The following C9orf85 variants were observed in gnomAD, a reference collection of about 807,000 sequenced individuals.
C9orf85 encodes chromosome 9 open reading frame 85.
Under a neutral mutation model 14.9 loss-of-function variants are expected in C9orf85, and 16 were observed. The ratio of observed to expected loss-of-function variants is 1.08; its 90% CI spans 0.73 to 1.63. The LOEUF is 1.63. Ranked by LOEUF, C9orf85 falls within the 40% of genes most tolerant of loss-of-function variation. C9orf85 has a pLI of 0.00. For missense variants in C9orf85, 172 were observed against 186.1 expected (o/e 0.92, Z 0.44); for synonymous variants, 45 against 56.8 (o/e 0.79, Z 0.93).
At chr9:71,965,321 C>T (rs969769743) in intron 2 of C9orf85, among the ~76,000 whole-genome samples, 1 of 152,120 alleles carries the variant, frequency 6.6e-6, no homozygotes, top group Admixed American at 6.6e-5. Context: ...CCTGATTCGT[C>T]GGGTGTGAGT....
At chr9:71,969,785 A>C (rs1822808054) in intron 2 of C9orf85, among the ~76,000 whole-genome samples, 2 of 152,066 alleles carry the variant, frequency 1.3e-5, no homozygotes, top group Non-Finnish European at 2.9e-5. Context: ...TTCAATCAAA[A>C]TATTTTCTTT....
chr9:71,914,444 A>C (rs576525649), intron 1 of C9orf85, among the ~76,000 whole-genome samples: 1 of 152,242 alleles, frequency 6.6e-6, no homozygotes, highest in East Asian at 1.9e-4. Flanking sequence ...CCCCTGCCTT[A>C]GAGGACTGTA....
At chr9:71,927,621 TTTGTA>T (rs1478335450) in intron 1 of C9orf85, among the ~76,000 whole-genome samples, 1 of 152,172 alleles carries the variant, frequency 6.6e-6, no homozygotes, top group African/African-American at 2.4e-5. Context: ...CATTCTGGCC[TTTGTA>T]GTGTTAATAG....
chr9:71,947,171 C>T lies in C9orf85; in HGVS notation c.209+59C>T, dbSNP rs1400468468. On this transcript the variant is annotated intron_variant, in intron 2 of 3. Coordinates refer to ENST00000334731, the MANE Select transcript of C9orf85 (RefSeq NM_182505.5). The stretch of plus-strand genomic sequence containing the variant: ...GTATATGTATCATAGTTTATTATTT[C>T]ATTTCCTGATTTTCAAAATTGTGTC... The T allele has an allele frequency of 2.8e-5, 33 of 1,158,768 alleles. 1 individual carries two copies. Among genetic ancestry groups the T allele is most frequent in the South Asian group, 8.8e-5 (6 of 67,996 alleles). 71.8% of individuals were successfully genotyped at this position (1,158,768 alleles called of 1,614,324 possible). A position where few individuals can be genotyped will look rare whatever the true frequency, so the allele number is the denominator to read the frequency against.
intron 1 of C9orf85, among the ~76,000 whole-genome samples, chr9:71,919,456 G>C (rs913432623): frequency 8.5e-5 from 13 of 152,344 alleles, no homozygotes; most frequent in Admixed American, 6.5e-4. Context: ...GATGATTCTA[G>C]TGTTATAGAG....
At chr9:71,980,793 G>A (rs1002879538) in intron 3 of C9orf85, among the ~76,000 whole-genome samples, 13 of 152,130 alleles carry the variant, frequency 8.5e-5, no homozygotes, top group Non-Finnish European at 1.8e-4. Flanking sequence ...TATGTTTCTC[G>A]TCTCTGCAAC....
At chr9:71,935,909 C>CAT (rs55999483) in intron 1 of C9orf85, among the ~76,000 whole-genome samples, 145,589 of 151,814 alleles carry the variant, frequency 0.96, 70,127 homozygotes, top group East Asian at 1. Flanking sequence ...AGGGGAGAAA[C>CAT]AGAAAAAAAA....
At chr9:71,982,632 CTTTT>C (rs56038535) in intron 3 of C9orf85, 619 of 246,162 alleles carry the variant, frequency 2.5e-3, no homozygotes, top group Middle Eastern at 4.2e-3. Context: ...TTGTATATTT[CTTTT>C]TTTTTTTTTT....
Position 71,972,735 on chromosome 9 carries a change from C to CCAACCA in C9orf85, c.367_368insCAACCA (p.Leu123delinsProThrIle), listed in dbSNP as rs775282876. On this transcript the variant is annotated protein_altering_variant, in exon 4 of 4. Transcript: ENST00000334731. ...AAAAATAGAACATACTGAAAATAAT[C>CCAACCA]TAAGTTCCAACCATAGAAGAAGCTG... 6.2e-7 allele frequency: 1 copy of CCAACCA among 1,603,110 alleles called. No homozygotes were observed. The highest frequency in any genetic ancestry group is 8.5e-7 in the Non-Finnish European group (1 of 1,172,004).
intron 1 of C9orf85, among the ~76,000 whole-genome samples, chr9:71,924,311 C>CT (rs1382641052): frequency 6.6e-6 from 1 of 152,132 alleles, no homozygotes; most frequent in African/African-American, 2.4e-5. Flanking sequence ...CAAACATTTT[C>CT]TTTGATATTT....
chr9:71,943,932 A>C (rs968434941), intron 1 of C9orf85, among the ~76,000 whole-genome samples: 29 of 151,038 alleles, frequency 1.9e-4, no homozygotes, highest in African/African-American at 7.0e-4. Flanking sequence ...AACAACACTG[A>C]CTCTAAAATA....
chr9:71,970,099 C>T (rs576100833), intron 2 of C9orf85, among the ~76,000 whole-genome samples: 3 of 152,148 alleles, frequency 2.0e-5, no homozygotes, highest in Admixed American at 6.5e-5. Flanking sequence ...TGTGCTCCCC[C>T]ATGCCCAGCT....
Position 71,961,139 on chromosome 9 carries a change from G to C in C9orf85, c.210-10366G>C, listed in dbSNP as rs556429382. On this transcript the variant is annotated intron_variant, in intron 2 of 3. Transcript: ENST00000334731. ...GTTGGTCAGGCTGGTCTCAAACTCC[G>C]GACCTCAGGTGATCCGCCCACCTCG... is the stretch of plus-strand genomic sequence containing the variant. Among the ~76,000 whole-genome samples, 298 of 151,886 alleles carry C rather than the reference G, an allele frequency of 2.0e-3. 2 individuals carry two copies. Among genetic ancestry groups the C allele is most frequent in the Non-Finnish European group, 2.7e-3 (184 of 67,908 alleles).
chr9:71,973,678 A>G (rs1822947456), downstream of C9orf85, among the ~76,000 whole-genome samples: 1 of 152,016 alleles, frequency 6.6e-6, no homozygotes, highest in African/African-American at 2.4e-5. Context: ...TCATGCATTT[A>G]CACACCTCGG....
intron 1 of C9orf85, among the ~76,000 whole-genome samples, chr9:71,938,560 T>C (rs1023781912): frequency 6.6e-6 from 1 of 152,130 alleles, no homozygotes; most frequent in African/African-American, 2.4e-5. Flanking sequence ...GAACATGAAC[T>C]ATTTTTTTCT....
At chr9:71,948,059 G>A (rs949593416) in intron 2 of C9orf85, among the ~76,000 whole-genome samples, 2 of 152,198 alleles carry the variant, frequency 1.3e-5, no homozygotes, top group African/African-American at 2.4e-5. Context: ...AGTAATTGCT[G>A]CATGAAAGAG....
intron 3 of C9orf85, among the ~76,000 whole-genome samples, chr9:71,980,107 G>A (rs1340762850): frequency 1.3e-5 from 2 of 150,898 alleles, no homozygotes; most frequent in Non-Finnish European, 2.9e-5. Context: ...TCCACCTCCC[G>A]GGTTCAAGCG....
chr9:71,982,717 C>G, exon 4 of C9orf85: 1 of 367,152 alleles, frequency 2.7e-6, no homozygotes, highest in Non-Finnish European at 5.1e-6. Flanking sequence ...CTCACCACAA[C>G]CTCCGCCTCC....
At chr9:71,945,583 T>C (rs1162523980) in intron 1 of C9orf85, among the ~76,000 whole-genome samples, 1 of 152,260 alleles carries the variant, frequency 6.6e-6, no homozygotes, top group Non-Finnish European at 1.5e-5. Context: ...GCTTAATTTA[T>C]GGTTTTTCAC....
Sources: gnomAD v4.1 joint callset for allele counts (sites outside exome capture counted in the v4.1 genomes callset) on GRCh38, gnomAD v4.1.1 for gene constraint, MANE v1.5 for transcripts, NCBI Gene and HGNC (gene_info 2026-07-23, HGNC 2026-07-21) for gene names.